Variants in PDE1A observed in about 807,000 individuals in gnomAD.
PDE1A encodes dual specificity calcium/calmodulin-dependent 3',5'-cyclic nucleotide phosphodiesterase 1A.
Under a neutral mutation model 61.7 loss-of-function variants are expected in PDE1A, and 35 were observed. The observed-to-expected ratio is 0.57, with a 90% CI of 0.43 to 0.75. The LOEUF (loss-of-function observed/expected upper bound fraction) is 0.75. PDE1A is among the 30% of genes least tolerant of loss of function. The probability of loss-of-function intolerance (pLI) is 0.00; values close to 1 mark genes in which losing one functional copy is unlikely to be tolerated. For synonymous variants in PDE1A, 232 were observed against 213.2 expected, an observed-to-expected ratio of 1.09 and a Z score of -0.77; for missense variants, 597 against 630.6, an observed-to-expected ratio of 0.95 and a Z score of 0.57.
chr2:182,684,232 T>C, the PDE1A span, among the ~76,000 whole-genome samples: 1 of 151,732 alleles, frequency 6.6e-6, no homozygotes, highest in Non-Finnish European at 1.5e-5. Flanking sequence ...TAAAGCTTCA[T>C]TCCAAAAATA....
At chr2:182,286,612 G>C (rs1311958476) in intron 1 of PDE1A, among the ~76,000 whole-genome samples, 1 of 152,072 alleles carries the variant, frequency 6.6e-6, no homozygotes, top group Non-Finnish European at 1.5e-5. Context: ...TCAATACATG[G>C]CTTCTTCCAT....
intron 1 of PDE1A, among the ~76,000 whole-genome samples, chr2:182,344,234 C>T (rs1220104433): frequency 6.6e-6 from 1 of 151,854 alleles, no homozygotes; most frequent in Non-Finnish European, 1.5e-5. Flanking sequence ...TATATTTTTG[C>T]ATCATACTAT....
intron 6 of PDE1A, among the ~76,000 whole-genome samples, chr2:182,227,363 T>C (rs941334109): frequency 5.9e-5 from 9 of 152,050 alleles, no homozygotes; most frequent in African/African-American, 2.2e-4. Context: ...ATGTGTATTA[T>C]ATAAAGGGTG....
the PDE1A span, among the ~76,000 whole-genome samples, chr2:182,561,182 G>A: frequency 6.6e-6 from 1 of 151,500 alleles, no homozygotes; most frequent in Non-Finnish European, 1.5e-5. Flanking sequence ...GGGTTTTTAT[G>A]GTTTTAGGTC....
the PDE1A span, among the ~76,000 whole-genome samples, chr2:182,710,186 C>T: frequency 1.3e-5 from 2 of 152,202 alleles, no homozygotes. Flanking sequence ...TGAGCCACTG[C>T]ACCTGGCCCA....
chr2:182,238,385 G>C (rs1690238379), intron 3 of PDE1A, among the ~76,000 whole-genome samples: 1 of 152,106 alleles, frequency 6.6e-6, no homozygotes, highest in African/African-American at 2.4e-5. Flanking sequence ...GAGGAGCCCA[G>C]TTAGAAAGTT....
chr2:182,631,172 A>T, the PDE1A span, among the ~76,000 whole-genome samples: 3 of 152,158 alleles, frequency 2.0e-5, no homozygotes, highest in Non-Finnish European at 2.9e-5. Flanking sequence ...AATGGTGTAC[A>T]TTCTAGTCCA....
chr2:182,679,206 C>T, the PDE1A span, among the ~76,000 whole-genome samples: 4 of 146,370 alleles, frequency 2.7e-5, no homozygotes, highest in African/African-American at 8.0e-5. Context: ...TTTTTTGACA[C>T]GGAGTCTTAC....
the PDE1A span, among the ~76,000 whole-genome samples, chr2:182,562,608 T>G: frequency 6.6e-6 from 1 of 152,132 alleles, no homozygotes; most frequent in Non-Finnish European, 1.5e-5. Flanking sequence ...TTCTATTGAT[T>G]GGAATAGTTT....
At chr2:182,521,891 A>G (rs1296257165) in intron 2 of PDE1A, among the ~76,000 whole-genome samples, 1 of 152,176 alleles carries the variant, frequency 6.6e-6, no homozygotes, top group African/African-American at 2.4e-5. Context: ...ATCTAATCAC[A>G]GAGAAAGAAG....
At chr2:182,647,114 T>A in the PDE1A span, among the ~76,000 whole-genome samples, 2 of 152,206 alleles carry the variant, frequency 1.3e-5, no homozygotes, top group African/African-American at 4.8e-5. Context: ...CTGACCGAAT[T>A]AGGATTTTTA....
chr2:182,329,807 T>C (rs111309071), intron 1 of PDE1A, among the ~76,000 whole-genome samples: 1,691 of 152,320 alleles, frequency 0.011, 25 homozygotes, highest in South Asian at 0.069. Flanking sequence ...TTATCTCCAC[T>C]GGACATATTT....
chr2:182,326,302 G>A (rs1167274216), intron 1 of PDE1A, among the ~76,000 whole-genome samples: 1 of 152,124 alleles, frequency 6.6e-6, no homozygotes, highest in Non-Finnish European at 1.5e-5. Flanking sequence ...ACAGCCAAAT[G>A]GGGAAAAAAT....
chr2:182,528,279 C>G, the PDE1A span, among the ~76,000 whole-genome samples: 10,022 of 152,110 alleles, frequency 0.066, 351 homozygotes, highest in Middle Eastern at 0.1. Flanking sequence ...GGAACTTGTT[C>G]GGAACTGCAG....
intron 13 of PDE1A, among the ~76,000 whole-genome samples, chr2:182,169,685 C>T (rs1691952542): frequency 6.6e-6 from 1 of 151,938 alleles, no homozygotes; most frequent in Admixed American, 6.6e-5. Context: ...CTTCACAGAC[C>T]ACCCCTACTT....
chr2:182,599,250 T>C, the PDE1A span, among the ~76,000 whole-genome samples: 124 of 152,260 alleles, frequency 8.1e-4, 2 homozygotes, highest in African/African-American at 2.8e-3. Context: ...GGATCCTGGC[T>C]CTGCCTCAGT....
At chr2:182,400,442 CT>C (rs1305634654) in intron 1 of PDE1A, among the ~76,000 whole-genome samples, 2 of 152,026 alleles carry the variant, frequency 1.3e-5, no homozygotes, top group African/African-American at 4.8e-5. Flanking sequence ...GATAATGTGC[CT>C]TCGTATATGG....
At chr2:182,570,461 C>T in the PDE1A span, among the ~76,000 whole-genome samples, 1 of 152,108 alleles carries the variant, frequency 6.6e-6, no homozygotes, top group Non-Finnish European at 1.5e-5. Flanking sequence ...TTTCTTATCA[C>T]TAAATTTTAA....
chr2:182,490,680 TTA>T (rs1172853783), intron 2 of PDE1A, among the ~76,000 whole-genome samples: 3 of 152,216 alleles, frequency 2.0e-5, no homozygotes, highest in Non-Finnish European at 4.4e-5. Context: ...GCCAAGATTT[TTA>T]TTTTTTTAAC....
Sources: allele counts gnomAD v4.1 joint callset (sites outside exome capture counted in the v4.1 genomes callset), GRCh38; gene constraint gnomAD v4.1.1; transcripts MANE v1.5; gene names NCBI Gene and HGNC (gene_info 2026-07-23, HGNC 2026-07-21).